Variants in FGGY observed in about 807,000 individuals in gnomAD.
FGGY encodes the protein FGGY carbohydrate kinase domain-containing protein.
Under a neutral mutation model 71.3 loss-of-function variants are expected in FGGY, and 72 were observed. The observed-to-expected ratio is 1.01, with a 90% CI of 0.84 to 1.23. The LOEUF (loss-of-function observed/expected upper bound fraction) is 1.23. Ranked by LOEUF, FGGY falls within the 50% of genes most tolerant of loss-of-function variation. FGGY has a pLI of 0.00. For missense variants in FGGY, 668 were observed against 682.3 expected (o/e 0.98, Z 0.23); for synonymous variants, 251 against 250.3 (o/e 1.00, Z -0.02).
At chr1:59,558,373 A>G (rs181714786) in intron 8 of FGGY, among the ~76,000 whole-genome samples, 98 of 152,274 alleles carry the variant, frequency 6.4e-4, no homozygotes, top group African/African-American at 2.3e-3. Context: ...GCTGAGAAAT[A>G]AAGAGAAAGA....
At chr1:59,350,249 A>G (rs2052990489) in intron 4 of FGGY, among the ~76,000 whole-genome samples, 3 of 152,178 alleles carry the variant, frequency 2.0e-5, no homozygotes, top group South Asian at 2.1e-4. Flanking sequence ...ACTGGGGACA[A>G]TAAGGACTCA....
At chr1:59,359,000 C>CT (rs1490928806) in intron 4 of FGGY, among the ~76,000 whole-genome samples, 1 of 152,192 alleles carries the variant, frequency 6.6e-6, no homozygotes, top group Non-Finnish European at 1.5e-5. Flanking sequence ...GTTTCTGACT[C>CT]TAAGAAATGA....
At chr1:59,447,079 T>TA (rs2071451441) in intron 5 of FGGY, among the ~76,000 whole-genome samples, 1 of 152,190 alleles carries the variant, frequency 6.6e-6, no homozygotes, top group Admixed American at 6.5e-5. Flanking sequence ...TTGTTTCTGA[T>TA]AGAGTCTGGA....
At chr1:59,616,631 TA>T (rs898667158) in intron 9 of FGGY, among the ~76,000 whole-genome samples, 1 of 151,954 alleles carries the variant, frequency 6.6e-6, no homozygotes, top group African/African-American at 2.4e-5. Context: ...TAAAGTATAA[TA>T]AAAAAATAAA....
intron 6 of FGGY, among the ~76,000 whole-genome samples, chr1:59,478,614 G>A (rs1476335211): frequency 6.6e-6 from 1 of 152,166 alleles, no homozygotes; most frequent in East Asian, 1.9e-4. Context: ...ATAAAAGAGG[G>A]CAAGATAATG....
chr1:59,674,352 G>GT (rs1018078994), intron 14 of FGGY, among the ~76,000 whole-genome samples: 5 of 151,970 alleles, frequency 3.3e-5, no homozygotes, highest in East Asian at 1.9e-4. Flanking sequence ...TTTTTCAGTT[G>GT]TTTTTTTTCT....
intron 6 of FGGY, among the ~76,000 whole-genome samples, chr1:59,482,634 G>GTGTATA (rs144699610): frequency 0.33 from 47,952 of 147,204 alleles, 8,054 homozygotes; most frequent in Middle Eastern, 0.47. Context: ...GTGTCTGTGT[G>GTGTATA]TATATATATA....
intron 2 of FGGY, among the ~76,000 whole-genome samples, chr1:59,323,880 T>C (rs943291707): frequency 2.0e-5 from 3 of 152,224 alleles, no homozygotes; most frequent in Non-Finnish European, 2.9e-5. Context: ...AGTGAATTTC[T>C]AAGACAAAAT....
At chr1:59,350,587 G>A (rs1284092676) in intron 4 of FGGY, among the ~76,000 whole-genome samples, 1 of 152,122 alleles carries the variant, frequency 6.6e-6, no homozygotes, top group African/African-American at 2.4e-5. Flanking sequence ...GATGAGGCCA[G>A]GTAAATAGTC....
At chr1:59,505,129 G>A (rs1000814095) in intron 6 of FGGY, among the ~76,000 whole-genome samples, 16 of 152,054 alleles carry the variant, frequency 1.1e-4, no homozygotes, top group African/African-American at 3.4e-4. Flanking sequence ...CCAGACTATC[G>A]GGCCAGGGAT....
At chr1:59,416,975 A>G (rs1246178037) in intron 5 of FGGY, among the ~76,000 whole-genome samples, 8 of 152,198 alleles carry the variant, frequency 5.3e-5, no homozygotes, top group East Asian at 3.8e-4. Context: ...GATATAATTC[A>G]TATACCCTAA....
chr1:59,337,771 T>A (rs2049887196), intron 2 of FGGY, among the ~76,000 whole-genome samples: 2 of 152,236 alleles, frequency 1.3e-5, no homozygotes, highest in Admixed American at 1.3e-4. Context: ...GTAGATTCTT[T>A]AGGATTTTCT....
chr1:59,572,150 G>C (rs575574934), intron 8 of FGGY, among the ~76,000 whole-genome samples: 5 of 152,146 alleles, frequency 3.3e-5, no homozygotes, highest in Non-Finnish European at 7.3e-5. Flanking sequence ...GTAAGTGCTA[G>C]AAAGCAGAGA....
At chr1:59,594,904 G>A (rs1417174417) in intron 8 of FGGY, among the ~76,000 whole-genome samples, 1 of 152,170 alleles carries the variant, frequency 6.6e-6, no homozygotes, top group Non-Finnish European at 1.5e-5. Context: ...TCCAGAAATG[G>A]GGTTTGGGTT....
Position 59,626,020 on chromosome 1 carries a change from T to C in FGGY, c.1044T>C (p.Phe348=). The change falls in exon 10 of 16, where the codon TTT becomes TTC. Residue 348 remains phenylalanine (F), a synonymous_variant. Coordinates refer to ENST00000303721, the MANE Select transcript of FGGY (RefSeq NM_018291.5). ...IDHMVQGHAA[F]PELQVKATAR... ...ACATGGTACAAGGCCATGCTGCTTT[T>C]CCAGAACTACAAGTAAAGGCCACAG... 1 of 1,613,654 alleles carries C rather than the reference T, an allele frequency of 6.2e-7. No homozygotes were observed.
intron 8 of FGGY, among the ~76,000 whole-genome samples, chr1:59,567,154 G>A (rs2095887126): frequency 6.6e-6 from 1 of 152,118 alleles, no homozygotes; most frequent in Admixed American, 6.5e-5. Flanking sequence ...GGCAGAGAAA[G>A]GGAGATACAG....
At chr1:59,595,407 C>G (rs754672445) in intron 8 of FGGY, among the ~76,000 whole-genome samples, 43 of 152,108 alleles carry the variant, frequency 2.8e-4, no homozygotes, top group Admixed American at 6.6e-4. Context: ...TACACAATCT[C>G]TGGCCTGGCG....
At chr1:59,453,795 G>A (rs1343245729) in intron 5 of FGGY, among the ~76,000 whole-genome samples, 1 of 152,146 alleles carries the variant, frequency 6.6e-6, no homozygotes, top group African/African-American at 2.4e-5. Context: ...GCTAAATTCA[G>A]TCATGTGACA....
At chr1:59,572,169 GAACAT>G (rs1342410491) in intron 8 of FGGY, among the ~76,000 whole-genome samples, 1 of 152,194 alleles carries the variant, frequency 6.6e-6, no homozygotes, top group Non-Finnish European at 1.5e-5. Context: ...GAAGCTATCA[GAACAT>G]AGAGCCAAGT....
Sources: allele counts gnomAD v4.1 joint callset (sites outside exome capture counted in the v4.1 genomes callset), GRCh38; gene constraint gnomAD v4.1.1; transcripts MANE v1.5; gene names NCBI Gene and HGNC (gene_info 2026-07-23, HGNC 2026-07-21).